Variants in FSTL1 observed in about 807,000 individuals in gnomAD.
FSTL1 encodes the protein follistatin-related protein 1.
A neutral mutation model predicts 45.9 loss-of-function variants in FSTL1; 24 were observed. The ratio of observed to expected loss-of-function variants is 0.52; its 90% CI spans 0.38 to 0.74. FSTL1 has a LOEUF of 0.74. FSTL1 is among the 30% of genes least tolerant of loss of function. The pLI, the probability that FSTL1 is intolerant of heterozygous loss-of-function variation, is 0.00. For synonymous variants in FSTL1, 120 were observed against 137.6 expected, an observed-to-expected ratio of 0.87 and a Z score of 0.89; for missense variants, 340 against 381.8, an observed-to-expected ratio of 0.89 and a Z score of 0.91.
rs1286899059 is a variant in FSTL1, at chr3:120,443,008, G to A, written c.63+7676C>T. Among the ~76,000 whole-genome samples, 6 of 146,474 alleles carry A rather than the reference G, an allele frequency of 4.1e-5. 1 individual carries two copies. Among genetic ancestry groups the A allele is most frequent in the African/African-American group, 1.6e-4 (6 of 36,790 alleles). Reference sequence around the variant, plus strand: ...ACCTAAGGCTAGATGACGAGTTAGTGGGTGCAGTGCACCAGCATGGCACAT... The same window carrying A: ...ACCTAAGGCTAGATGACGAGTTAGTAGGTGCAGTGCACCAGCATGGCACAT... On this transcript the variant is annotated intron_variant, in intron 2 of 10. Coordinates refer to ENST00000295633, the MANE Select transcript of FSTL1 (RefSeq NM_007085.5).
chr3:120,398,454 G>C (rs1182123818), intron 10 of FSTL1, among the ~76,000 whole-genome samples: 2 of 152,064 alleles, frequency 1.3e-5, no homozygotes, highest in African/African-American at 4.8e-5. Context: ...CAAATGCCAG[G>C]GAATTAACAT....
At chr3:120,447,717 C>CGG (rs1346724227) in intron 2 of FSTL1, among the ~76,000 whole-genome samples, 1 of 152,232 alleles carries the variant, frequency 6.6e-6, no homozygotes, top group African/African-American at 2.4e-5. Flanking sequence ...GGCACCATCA[C>CGG]GGCTCACTGC....
In FSTL1 at chr3:120,396,902, G is replaced by T. The variant is rs371864425; in HGVS notation, c.*50C>A. On this transcript the variant is annotated 3_prime_UTR_variant, in exon 11 of 11. Transcript: ENST00000295633. ...GACACTTGTGTATACTGAACTCAGCGCTGAAGTGGAGAAGATGCTGGGATC... is the reference window on the plus strand; with the variant it reads ...GACACTTGTGTATACTGAACTCAGCTCTGAAGTGGAGAAGATGCTGGGATC... 1 of 1,339,648 alleles carries T rather than the reference G, an allele frequency of 7.5e-7. No homozygotes were observed. The highest frequency in any genetic ancestry group is 1.2e-5 in the South Asian group (1 of 85,492). The allele number at this position is 1,339,648 out of a possible 1,614,324, so 83.0% of individuals were successfully genotyped here. A position where few individuals can be genotyped will look rare whatever the true frequency, so the allele number is the denominator to read the frequency against.
At chr3:120,444,772 T>G (rs1937701392) in intron 2 of FSTL1, among the ~76,000 whole-genome samples, 1 of 150,140 alleles carries the variant, frequency 6.7e-6, no homozygotes, top group Non-Finnish European at 1.5e-5. Flanking sequence ...TACCTACAGA[T>G]AATTTCTAAC....
At chr3:120,430,983 T>C (rs1156263163) in intron 2 of FSTL1, among the ~76,000 whole-genome samples, 2 of 152,226 alleles carry the variant, frequency 1.3e-5, no homozygotes, top group Non-Finnish European at 2.9e-5. Context: ...TAGGTACATT[T>C]TTTTTTGAGA....
intron 10 of FSTL1, among the ~76,000 whole-genome samples, chr3:120,397,866 A>T (rs1173194185): frequency 6.6e-6 from 1 of 152,252 alleles, no homozygotes; most frequent in Non-Finnish European, 1.5e-5. Flanking sequence ...AATATCCATT[A>T]AATGATGAAT....
chr3:120,403,415 A>C (rs1301352488), intron 7 of FSTL1, 61 bp from the exon 8 acceptor site: 2 of 1,026,920 alleles, frequency 1.9e-6, no homozygotes, highest in Non-Finnish European at 3.1e-6. Flanking sequence ...GAAGAAAGGA[A>C]GTAAGCATCA....
At position 120,411,051 on chromosome 3, in the gene FSTL1, T is replaced by C. The variant is rs1937041309; in HGVS notation, c.299-67A>G. 3 of 1,130,458 alleles carry C rather than the reference T, an allele frequency of 2.7e-6. No homozygotes were observed. In the East Asian group the frequency reaches 7.1e-5, roughly 27 times the overall value. 70.0% of individuals were successfully genotyped at this position (1,130,458 alleles called of 1,614,324 possible). A position where few individuals can be genotyped will look rare whatever the true frequency, so the allele number is the denominator to read the frequency against. On this transcript the variant is annotated intron_variant, in intron 4 of 10. Coordinates refer to ENST00000295633, the MANE Select transcript of FSTL1 (RefSeq NM_007085.5). ...AAAAAAGAAAATTTTTCTGTATTTCTAGGATTACAGCTGCTCTACATGTAG... is the reference window on the plus strand; with the variant it reads ...AAAAAAGAAAATTTTTCTGTATTTCCAGGATTACAGCTGCTCTACATGTAG...
rs1025609390 is a variant in FSTL1 at position 120,394,042 on chromosome 3, A to G, written c.*2910T>C. 3.9e-5 allele frequency: 6 copies of G among 152,210 alleles called. No homozygotes were observed. The highest frequency in any genetic ancestry group is 1.3e-4 in the Admixed American group (2 of 15,278). 9.4% of individuals were successfully genotyped at this position (152,210 alleles called of 1,614,324 possible). ...TTTGTTATAGCAACTTGAAGGGACT[A>G]AGACACTTTCTGACTTGTCATCACC... On this transcript the variant is annotated 3_prime_UTR_variant, in exon 11 of 11. Transcript: ENST00000295633.
At chr3:120,432,002 C>T (rs1937486574) in intron 2 of FSTL1, among the ~76,000 whole-genome samples, 1 of 152,148 alleles carries the variant, frequency 6.6e-6, no homozygotes, top group South Asian at 2.1e-4. Flanking sequence ...ATGTTTGGTA[C>T]TTCCTCTCTG....
chr3:120,411,270 A>G (rs1048567281), intron 4 of FSTL1: 4 of 334,724 alleles, frequency 1.2e-5, no homozygotes, highest in Non-Finnish European at 2.3e-5. Flanking sequence ...TCAAATGGAG[A>G]ATCATTCTGG....
Position 120,411,915 on chromosome 3 carries a change from C to A in FSTL1, c.237G>T (p.Leu79=). The change falls in exon 4 of 11, where the codon CTG becomes CTT. Residue 79 remains leucine (L), a synonymous_variant. Coordinates refer to ENST00000295633, the MANE Select transcript of FSTL1 (RefSeq NM_007085.5). ...NGKTYLNHCE[L]HRDACLTGSK... is the part of the protein sequence containing the mutation. ...ATCCAGTGAGGCAGGCATCTCGATG[C>A]AGTTCACAGTGGTTGAGGTAGGTCT... 6.2e-7 allele frequency: 1 copy of A among 1,613,150 alleles called. No homozygotes were observed. Among genetic ancestry groups the A allele is most frequent in the African/African-American group, 1.3e-5 (1 of 75,036 alleles).
chr3:120,403,129 A>C, intron 8 of FSTL1, 113 bp downstream of exon 8: 1 of 750,076 alleles, frequency 1.3e-6, no homozygotes. Context: ...GTTTAGAATC[A>C]TGGAAGGGGA....
rs1040547033 is a variant in FSTL1 at position 120,450,960 on chromosome 3, G to A, written c.-64C>T. 8.4e-5 allele frequency: 39 copies of A among 466,060 alleles called. 1 individual carries two copies. The highest frequency in any genetic ancestry group is 1.4e-4 in the Non-Finnish European group (37 of 264,460). The allele number at this position is 466,060 out of a possible 1,614,324, so 28.9% of individuals were successfully genotyped here. A position where few individuals can be genotyped will look rare whatever the true frequency, so the allele number is the denominator to read the frequency against. ...ACGGCGGCAGCGAGCTGTAAGCGGA[G>A]GTGGGAGCTCCGCCGATCGCCAGCC... On this transcript the variant is annotated 5_prime_UTR_variant, in exon 1 of 11. Coordinates refer to ENST00000295633, the MANE Select transcript of FSTL1 (RefSeq NM_007085.5).
At chr3:120,403,973 CAAAAAAA>C (rs57809249) in intron 7 of FSTL1, among the ~76,000 whole-genome samples, 82 of 72,912 alleles carry the variant, frequency 1.1e-3, no homozygotes, top group Middle Eastern at 7.9e-3. Context: ...AAAACAAAAA[CAAAAAAA>C]AACAAAAAAC....
At chr3:120,402,761 A>C (rs1936850934) in intron 9 of FSTL1, 47 bp downstream of exon 9, 1 of 1,135,690 alleles carries the variant, frequency 8.8e-7, no homozygotes, top group East Asian at 2.3e-5. Context: ...TGATTTCATG[A>C]AGCTCTCTCC....
At chr3:120,450,144 C>T (rs1189705299) in intron 2 of FSTL1, among the ~76,000 whole-genome samples, 1 of 152,074 alleles carries the variant, frequency 6.6e-6, no homozygotes, top group Non-Finnish European at 1.5e-5. Flanking sequence ...GGGAAAAGGC[C>T]GTTACATTGC....
At chr3:120,440,676 T>C (rs1255012752) in intron 2 of FSTL1, among the ~76,000 whole-genome samples, 2 of 152,242 alleles carry the variant, frequency 1.3e-5, no homozygotes, top group African/African-American at 4.8e-5. Context: ...TTTCCTCTTT[T>C]GAGTTGACTT....
intron 2 of FSTL1, among the ~76,000 whole-genome samples, chr3:120,448,379 G>A (rs546132248): frequency 1.3e-5 from 2 of 152,066 alleles, no homozygotes; most frequent in Non-Finnish European, 2.9e-5. Context: ...AAGATAAAAG[G>A]CTTTTAAAAA....
Sources: gnomAD v4.1 joint callset for allele counts (sites outside exome capture counted in the v4.1 genomes callset) on GRCh38, gnomAD v4.1.1 for gene constraint, MANE v1.5 for transcripts, NCBI Gene and HGNC (gene_info 2026-07-23, HGNC 2026-07-21) for gene names.